Variants in RSF1 observed in about 807,000 individuals in gnomAD.
RSF1 encodes the protein remodeling and spacing factor 1.
RSF1 carries 13 observed loss-of-function variants against 145.2 expected under a neutral mutation model. The ratio of observed to expected loss-of-function variants is 0.09; its 90% CI spans 0.06 to 0.14. The LOEUF (loss-of-function observed/expected upper bound fraction) is 0.14. Ranked by LOEUF, RSF1 falls within the 10% of genes least tolerant of loss-of-function variation. The pLI, the probability that RSF1 is intolerant of heterozygous loss-of-function variation, is 1.00. For synonymous variants in RSF1, 577 were observed against 592.6 expected, an observed-to-expected ratio of 0.97 and a Z score of 0.38; for missense variants, 1,517 against 1,718.2, an observed-to-expected ratio of 0.88 and a Z score of 2.07.
chr11:77,680,673 T>C (rs1590826208), intron 11 of RSF1, among the ~76,000 whole-genome samples: 1 of 152,362 alleles, frequency 6.6e-6, no homozygotes, highest in Non-Finnish European at 1.5e-5. Flanking sequence ...TTTTACAATG[T>C]AATTTTTACT....
chr11:77,853,563 G>A, the RSF1 span, among the ~76,000 whole-genome samples: 1 of 152,124 alleles, frequency 6.6e-6, no homozygotes, highest in Non-Finnish European at 1.5e-5. Flanking sequence ...ATTATAATTC[G>A]ATATGAGATT....
chr11:77,814,609 C>A lies in RSF1; in HGVS notation c.187+5919G>T, dbSNP rs539508860. 2.1e-3 allele frequency among the ~76,000 whole-genome samples: 314 copies of A among 152,200 alleles called. 2 individuals are homozygous for A. The highest frequency in any genetic ancestry group is 5.0e-3 in the South Asian group (24 of 4,824). Reference sequence around the variant, plus strand: ...TACAGGCGCCTGACACCAGGTCTGACTAATTTTTGTATTTTTAGTACAGAT... The same window carrying A: ...TACAGGCGCCTGACACCAGGTCTGAATAATTTTTGTATTTTTAGTACAGAT... On this transcript the variant is annotated intron_variant, in intron 1 of 15. Transcript: ENST00000308488.
chr11:77,869,306 C>CTT, the RSF1 span: 4,085 of 119,826 alleles, frequency 0.034, 228 homozygotes, highest in African/African-American at 0.12. Context: ...TTATTTATCT[C>CTT]TTTTTCTTTT....
At chr11:77,735,004 T>C in intron 4 of RSF1, 1 of 1,591,416 alleles carries the variant, frequency 6.3e-7, no homozygotes, top group Non-Finnish European at 8.5e-7. Context: ...CTGGCGCACC[T>C]GTGAGGTGGA....
intron 1 of RSF1, among the ~76,000 whole-genome samples, chr11:77,786,628 A>G (rs1394577991): frequency 1.3e-5 from 2 of 152,204 alleles, no homozygotes; most frequent in Admixed American, 1.3e-4. Context: ...TGGGGAATAA[A>G]AGATCCCCAT....
intron 1 of RSF1, among the ~76,000 whole-genome samples, chr11:77,792,510 C>T (rs1051552687): frequency 6.6e-6 from 1 of 152,132 alleles, no homozygotes; most frequent in African/African-American, 2.4e-5. Flanking sequence ...CCATAAATCC[C>T]ACCACTGGGG....
intron 4 of RSF1, among the ~76,000 whole-genome samples, chr11:77,729,572 C>T (rs962648628): frequency 1.7e-4 from 26 of 151,040 alleles, no homozygotes; most frequent in African/African-American, 5.1e-4. Flanking sequence ...AATAAACAGA[C>T]GCCCCTGAAC....
chr11:77,845,628 C>T, the RSF1 span, among the ~76,000 whole-genome samples: 3 of 152,066 alleles, frequency 2.0e-5, no homozygotes, highest in Non-Finnish European at 2.9e-5. Flanking sequence ...CAGGGTTTTA[C>T]CATGTTGGCC....
At chr11:77,669,953 A>T (rs1302517048) in intron 15 of RSF1, among the ~76,000 whole-genome samples, 1 of 152,134 alleles carries the variant, frequency 6.6e-6, no homozygotes, top group East Asian at 1.9e-4. Context: ...ACACTGCAAG[A>T]TCTCATCTCT....
the RSF1 span, among the ~76,000 whole-genome samples, chr11:77,862,426 T>C: frequency 6.6e-6 from 1 of 152,228 alleles, no homozygotes; most frequent in Non-Finnish European, 1.5e-5. Context: ...TATTTTAATT[T>C]GCTTCAAGTC....
intron 1 of RSF1, among the ~76,000 whole-genome samples, chr11:77,788,472 G>A (rs1200655304): frequency 1.4e-5 from 2 of 142,054 alleles, no homozygotes; most frequent in African/African-American, 5.2e-5. Context: ...GATACTGAAT[G>A]GGATAAAAGG....
In RSF1 at chr11:77,667,353, C is replaced by T. The variant is rs781247505; in HGVS notation, c.3890G>A (p.Arg1297His). The T allele has an allele frequency of 2.3e-5, 37 of 1,613,838 alleles. No homozygotes were observed. The highest frequency in any genetic ancestry group is 1.2e-4 in the African/African-American group (9 of 74,904). Residue 1297 changes from arginine to histidine, a missense_variant, in exon 16 of 16, where the codon CGC becomes CAC. Arg to His is a conservative substitution (Grantham distance 29). This residue lies in a region of RSF1 where 240 missense variants were observed against 231.8 expected (regional missense o/e 1.04). Transcript: ENST00000308488. Reference sequence around the variant, plus strand: ...CGTCTCAATCCGGTGTAGCCGTTTGCGGGATGGTTTGCCTTCCTCTTCCTC... The same window carrying T: ...CGTCTCAATCCGGTGTAGCCGTTTGTGGGATGGTTTGCCTTCCTCTTCCTC... The part of the protein sequence containing the change: ...EEEEEEGKPS[R>H]KRLHRIETDE...
rs116598498 is a variant in RSF1 at position 77,746,007 on chromosome 11, A to G, written c.372+1029T>C. Among the ~76,000 whole-genome samples the G allele has an allele frequency of 9.6e-3, 1,456 of 152,240 alleles. 22 individuals are homozygous for G. The highest frequency in any genetic ancestry group is 0.032 in the African/African-American group (1,331 of 41,548). On this transcript the variant is annotated intron_variant, in intron 3 of 15. Coordinates refer to ENST00000308488, the MANE Select transcript of RSF1 (RefSeq NM_016578.4). Reference sequence around the variant, plus strand: ...CACACTAATATATAATGTATGTAATACTAAAGTATTACATACTTTTCAGTA... The same window carrying G: ...CACACTAATATATAATGTATGTAATGCTAAAGTATTACATACTTTTCAGTA...
At chr11:77,764,548 C>G in intron 2 of RSF1, 50 bp downstream of exon 2, 1 of 997,988 alleles carries the variant, frequency 1.0e-6, no homozygotes, top group Non-Finnish European at 1.6e-6. Context: ...TCAATTTATG[C>G]TAGAGTAATA....
rs191916521 is a variant in RSF1, at chr11:77,815,616, T to C, written c.187+4912A>G. 2.5e-4 allele frequency among the ~76,000 whole-genome samples: 38 copies of C among 152,322 alleles called. No individual in the cohort carries two copies. In the East Asian group the frequency reaches 6.4e-3, roughly 25 times the overall value. On this transcript the variant is annotated intron_variant, in intron 1 of 15. Transcript: ENST00000308488. ...ACTGTAGACTAGAATGCACGGACTA[T>C]TGCTCCACTTGATAAAATCTCAGAG...
intron 2 of RSF1, among the ~76,000 whole-genome samples, chr11:77,758,827 T>C (rs986424495): frequency 8.5e-5 from 13 of 152,066 alleles, no homozygotes; most frequent in Admixed American, 7.9e-4. Context: ...ATTCCAAATA[T>C]TAAATGCTTA....
At chr11:77,749,251 C>T (rs1251072638) in intron 2 of RSF1, among the ~76,000 whole-genome samples, 1 of 151,954 alleles carries the variant, frequency 6.6e-6, no homozygotes. Context: ...TGTATATTCC[C>T]TGTAAATATG....
chr11:77,773,931 C>T (rs1948313599), intron 1 of RSF1, among the ~76,000 whole-genome samples: 1 of 151,862 alleles, frequency 6.6e-6, no homozygotes, highest in African/African-American at 2.4e-5. Flanking sequence ...AGTGTAGTAT[C>T]GGTTCTTATC....
intron 4 of RSF1, among the ~76,000 whole-genome samples, chr11:77,732,846 C>G (rs899008878): frequency 6.6e-6 from 1 of 152,160 alleles, no homozygotes; most frequent in Admixed American, 6.5e-5. Context: ...AGCATGAAAA[C>G]GGACTAATAC....
Sources: gnomAD v4.1 joint callset for allele counts (sites outside exome capture counted in the v4.1 genomes callset) on GRCh38, gnomAD v4.1.1 for gene constraint, gnomAD v4.1.1 regional missense constraint, MANE v1.5 for transcripts, NCBI Gene and HGNC (gene_info 2026-07-23, HGNC 2026-07-21) for gene names.